The following PGM1 variants were observed in gnomAD, a reference collection of about 807,000 sequenced individuals.
PGM1 encodes phosphoglucomutase-1.
Under a neutral mutation model 55.6 loss-of-function variants are expected in PGM1, and 52 were observed. That is an observed-to-expected ratio of 0.94 (90% CI 0.75 to 1.18). The LOEUF (loss-of-function observed/expected upper bound fraction) is 1.18. Ranked by LOEUF, PGM1 falls within the 50% of genes most tolerant of loss-of-function variation. The pLI, the probability that PGM1 is intolerant of heterozygous loss-of-function variation, is 0.00. For synonymous variants in PGM1, 287 were observed against 271.7 expected (o/e 1.06, Z -0.55); for missense variants, 724 against 729.3 (o/e 0.99, Z 0.08).
intron 4 of PGM1, among the ~76,000 whole-genome samples, chr1:63,632,895 T>C (rs1183598829): frequency 1.3e-5 from 2 of 152,066 alleles, no homozygotes; most frequent in South Asian, 4.2e-4. Flanking sequence ...TGGTGGCACA[T>C]GCCTGTAATC....
intron 1 of PGM1, among the ~76,000 whole-genome samples, chr1:63,609,254 G>A (rs1648504137): frequency 6.6e-6 from 1 of 152,212 alleles, no homozygotes; most frequent in Non-Finnish European, 1.5e-5. Context: ...GGATATTTCA[G>A]GATGGATCTG....
intron 10 of PGM1, among the ~76,000 whole-genome samples, chr1:63,658,860 C>T (rs533206354): frequency 1.4e-4 from 21 of 152,228 alleles, no homozygotes; most frequent in African/African-American, 5.1e-4. Flanking sequence ...TGGACTTACA[C>T]TTCACGTGGC....
chr1:63,648,660 A>G lies in PGM1; in HGVS notation c.1280+8A>G. On this transcript the variant is annotated splice_region_variant and intron_variant, in intron 8 of 10. Coordinates refer to ENST00000371084, the MANE Select transcript of PGM1 (RefSeq NM_002633.3). ...CCGGAATTTCTTCACCAGGTGAGCC[A>G]CAGCCCAGCTGGGGTACAAGGTAAG... The G allele has an allele frequency of 6.2e-7, 1 of 1,613,624 alleles. No homozygotes were observed. The highest frequency in any genetic ancestry group is 2.2e-5 in the East Asian group (1 of 44,862).
chr1:63,648,398 T>A, intron 7 of PGM1, 119 bp from the exon 8 acceptor site: 1 of 1,076,944 alleles, frequency 9.3e-7, no homozygotes, highest in Non-Finnish European at 1.4e-6. Flanking sequence ...TCACTTCCCA[T>A]CACGTCCCTC....
At chr1:63,633,903 TGTGTGTGTGTGTG>T (rs1649273030) in intron 4 of PGM1, among the ~76,000 whole-genome samples, 1 of 52,482 alleles carries the variant, frequency 1.9e-5, no homozygotes, top group Non-Finnish European at 3.5e-5. Flanking sequence ...TGTGTGTGTG[TGTGTGTGTGTGTG>T]TGTATATATA....
chr1:63,594,424 T>TG (rs1275214550), intron 1 of PGM1, among the ~76,000 whole-genome samples: 1 of 152,028 alleles, frequency 6.6e-6, no homozygotes, highest in African/African-American at 2.4e-5. Flanking sequence ...CTCTGCCCAG[T>TG]GGTGCCCGGG....
chr1:63,600,955 CTT>C (rs1028769681), intron 1 of PGM1, among the ~76,000 whole-genome samples: 12 of 152,058 alleles, frequency 7.9e-5, no homozygotes, highest in African/African-American at 2.9e-4. Context: ...TTTTTTCTCT[CTT>C]GGACTCTAGG....
At chr1:63,613,263 T>TTTTTTC (rs1648617033) in intron 1 of PGM1, among the ~76,000 whole-genome samples, 1 of 147,566 alleles carries the variant, frequency 6.8e-6, no homozygotes, top group Non-Finnish European at 1.5e-5. Context: ...GCTTATCTTT[T>TTTTTTC]TTTTTTTTTT....
At chr1:63,594,296 G>A (rs1647972003) in intron 1 of PGM1, among the ~76,000 whole-genome samples, 1 of 152,080 alleles carries the variant, frequency 6.6e-6, no homozygotes, top group Non-Finnish European at 1.5e-5. Flanking sequence ...CGTCAGGTTG[G>A]CAGATCTCAG....
intron 7 of PGM1, among the ~76,000 whole-genome samples, chr1:63,645,402 A>G (rs1469026907): frequency 6.6e-6 from 1 of 152,222 alleles, no homozygotes; most frequent in Non-Finnish European, 1.5e-5. Flanking sequence ...TTAAGGAGAA[A>G]AAGAAGGAAG....
At position 63,638,678 on chromosome 1, in the gene PGM1, T is replaced by C. The variant is rs757889700; in HGVS notation, c.1029-7T>C. 11 of 1,601,608 alleles carry C rather than the reference T, an allele frequency of 6.9e-6. No homozygotes were observed. Among genetic ancestry groups the C allele is most frequent in the Admixed American group, 1.7e-5 (1 of 60,004 alleles). On this transcript the variant is annotated splice_region_variant and splice_polypyrimidine_tract_variant and intron_variant, in intron 6 of 10. Coordinates refer to ENST00000371084, the MANE Select transcript of PGM1 (RefSeq NM_002633.3). ...TGTGATGTAACTTTGATTTCATGCC[T>C]TTGAAGGGTGGCTAGTGCTACAAAG...
At chr1:63,596,575 G>A (rs1487537918) in intron 1 of PGM1, among the ~76,000 whole-genome samples, 2 of 151,950 alleles carry the variant, frequency 1.3e-5, no homozygotes, top group Non-Finnish European at 2.9e-5. Context: ...AGGTTTCTAC[G>A]CTCAGGTTGT....
chr1:63,656,589 T>C (rs948770999), intron 10 of PGM1, among the ~76,000 whole-genome samples: 2 of 147,118 alleles, frequency 1.4e-5, no homozygotes, highest in Non-Finnish European at 2.9e-5. Context: ...TGTGTGTGTG[T>C]GTGTGTGTGT....
chr1:63,629,387 T>C, intron 1 of PGM1, 38 bp from the exon 2 acceptor site: 2 of 1,585,380 alleles, frequency 1.3e-6, no homozygotes, highest in South Asian at 1.1e-5. Context: ...TCTGGATGTA[T>C]TGATGTTAAA....
intron 1 of PGM1, among the ~76,000 whole-genome samples, chr1:63,617,862 G>A (rs1307533773): frequency 6.7e-6 from 1 of 149,272 alleles, no homozygotes; most frequent in African/African-American, 2.5e-5. Flanking sequence ...TGGAAATTAG[G>A]TTTCTCAGTG....
intron 4 of PGM1, among the ~76,000 whole-genome samples, chr1:63,633,928 A>ATTTTTT (rs1288381401): frequency 4.7e-5 from 3 of 64,388 alleles, no homozygotes; most frequent in African/African-American, 2.1e-4. Context: ...GTATATATAT[A>ATTTTTT]TATATTTTTT....
At chr1:63,645,676 A>G (rs1649628531) in intron 7 of PGM1, among the ~76,000 whole-genome samples, 11 of 152,356 alleles carry the variant, frequency 7.2e-5, no homozygotes, top group Admixed American at 7.2e-4. Flanking sequence ...CCTACTCTCT[A>G]GTTTTGCCTG....
chr1:63,613,259 C>CTTT (rs11377805), intron 1 of PGM1, among the ~76,000 whole-genome samples: 1,842 of 107,750 alleles, frequency 0.017, 46 homozygotes, highest in Non-Finnish European at 0.023. Context: ...GTTGGCTTAT[C>CTTT]TTTTTTTTTT....
rs540006414 is a variant in PGM1, at chr1:63,657,928, C to T, written c.1600-1658C>T. ...AAGGAAATTGTGTTTGTCTTTTGAT[C>T]ATCAAGATAAATGCCTGGCACGTGG... On this transcript the variant is annotated intron_variant, in intron 10 of 10. Coordinates refer to ENST00000371084, the MANE Select transcript of PGM1 (RefSeq NM_002633.3). Among the ~76,000 whole-genome samples the T allele has an allele frequency of 1.8e-4, 27 of 152,356 alleles. No homozygotes were observed. The South Asian group carries it at 4.4e-3, about 25-fold the overall frequency.
Sources: allele counts gnomAD v4.1 joint callset (sites outside exome capture counted in the v4.1 genomes callset), GRCh38; gene constraint gnomAD v4.1.1; transcripts MANE v1.5; gene names NCBI Gene and HGNC (gene_info 2026-07-23, HGNC 2026-07-21).